SLC25A21: variants seen among roughly 807,000 people sequenced by gnomAD.
The protein encoded by SLC25A21 is mitochondrial 2-oxodicarboxylate carrier.
SLC25A21 carries 47 observed loss-of-function variants against 43.8 expected under a neutral mutation model. The ratio of observed to expected loss-of-function variants is 1.07; its 90% confidence interval spans 0.85 to 1.37. The LOEUF is 1.37. SLC25A21 is among the 40% of genes most tolerant of loss of function. The pLI is 0.00. For missense variants in SLC25A21, 352 were observed against 350.2 expected (o/e 1.00, Z -0.04); for synonymous variants, 131 against 121.3 (o/e 1.08, Z -0.52).
intron 1 of SLC25A21, among the ~76,000 whole-genome samples, chr14:36,925,826 G>A (rs1215504109): frequency 6.6e-6 from 1 of 152,128 alleles, no homozygotes; most frequent in African/African-American, 2.4e-5. Flanking sequence ...CAGCCTGGGT[G>A]ACAGAGCAAG....
At chr14:37,128,538 C>CTCTCTGTGTGTGTGTGTG (rs1555348857) in intron 1 of SLC25A21, among the ~76,000 whole-genome samples, 1 of 122,706 alleles carries the variant, frequency 8.1e-6, no homozygotes, top group African/African-American at 3.2e-5. Flanking sequence ...CTCTCTCTCT[C>CTCTCTGTGTGTGTGTGTG]TGTGTGTGTG....
intron 1 of SLC25A21, among the ~76,000 whole-genome samples, chr14:36,924,838 G>A (rs893923766): frequency 1.3e-5 from 2 of 152,084 alleles, no homozygotes; most frequent in Non-Finnish European, 2.9e-5. Context: ...GATGGTTTGA[G>A]TATAGCAGAG....
intron 3 of SLC25A21, among the ~76,000 whole-genome samples, chr14:36,774,097 T>A (rs1174213509): frequency 6.6e-6 from 1 of 152,236 alleles, no homozygotes; most frequent in Admixed American, 6.5e-5. Context: ...TTTCTTTGTG[T>A]TCCCCCAATA....
At chr14:37,007,954 A>AT (rs10715027) in intron 1 of SLC25A21, among the ~76,000 whole-genome samples, 11 of 149,864 alleles carry the variant, frequency 7.3e-5, no homozygotes, top group Non-Finnish European at 1.5e-4. Flanking sequence ...TGATCGCACA[A>AT]TTTTTTTTTT....
intron 2 of SLC25A21, among the ~76,000 whole-genome samples, chr14:36,856,448 T>C (rs570089739): frequency 6.6e-6 from 1 of 152,220 alleles, no homozygotes; most frequent in Admixed American, 6.5e-5. Flanking sequence ...TAATGGTGAT[T>C]CTGGAGACTG....
At chr14:36,945,367 T>C (rs900595786) in intron 1 of SLC25A21, among the ~76,000 whole-genome samples, 1 of 152,124 alleles carries the variant, frequency 6.6e-6, no homozygotes, top group Non-Finnish European at 1.5e-5. Flanking sequence ...TCTGGGCATA[T>C]ACCCCAAAGA....
intron 1 of SLC25A21, among the ~76,000 whole-genome samples, chr14:37,076,012 C>T (rs1594781660): frequency 6.6e-6 from 1 of 152,336 alleles, no homozygotes; most frequent in East Asian, 1.9e-4. Flanking sequence ...TGGAGCCAAG[C>T]CTATGCTTCC....
intron 1 of SLC25A21, among the ~76,000 whole-genome samples, chr14:37,077,928 A>G (rs780938092): frequency 6.6e-6 from 1 of 152,188 alleles, no homozygotes; most frequent in Non-Finnish European, 1.5e-5. Context: ...ACTTAAATCT[A>G]TAGACATTTT....
chr14:37,079,171 T>C (rs1440401697), intron 1 of SLC25A21, among the ~76,000 whole-genome samples: 1 of 152,200 alleles, frequency 6.6e-6, no homozygotes, highest in Non-Finnish European at 1.5e-5. Flanking sequence ...TTAATTCACA[T>C]CCACGTACAA....
At chr14:36,694,425 C>G (rs1882928803) in intron 7 of SLC25A21, among the ~76,000 whole-genome samples, 1 of 152,156 alleles carries the variant, frequency 6.6e-6, no homozygotes, top group Admixed American at 6.5e-5. Context: ...TAGGTATATA[C>G]CCAGTAACAA....
intron 1 of SLC25A21, among the ~76,000 whole-genome samples, chr14:37,141,722 T>C (rs1396599950): frequency 1.3e-5 from 2 of 152,218 alleles, no homozygotes; most frequent in Non-Finnish European, 2.9e-5. Context: ...TCAAAATACC[T>C]GAAACAAAAT....
intron 2 of SLC25A21, among the ~76,000 whole-genome samples, chr14:36,848,993 G>A (rs950968063): frequency 2.0e-5 from 3 of 152,130 alleles, no homozygotes; most frequent in Non-Finnish European, 2.9e-5. Context: ...AAACTTTCCA[G>A]GATATTCTCT....
chr14:36,785,004 T>A (rs545228333), intron 3 of SLC25A21, among the ~76,000 whole-genome samples: 1 of 152,330 alleles, frequency 6.6e-6, no homozygotes, highest in South Asian at 2.1e-4. Context: ...TGTCCCTGAT[T>A]CCCATATGTA....
rs545599601 is a variant in SLC25A21 at position 36,737,067 on chromosome 14, C to G, written c.204-2494G>C. 3.3e-5 allele frequency among the ~76,000 whole-genome samples: 5 copies of G among 152,264 alleles called. No homozygotes were observed. The East Asian group carries it at 9.7e-4, about 29-fold the overall frequency. On this transcript the variant is annotated intron_variant, in intron 3 of 9. Transcript: ENST00000331299. ...ATGGGAGATACACAGCAAATCCATG[C>G]ATTTGATGGCCCTCAAGGCTGATCT...
At chr14:36,945,935 A>T (rs1460060710) in intron 1 of SLC25A21, among the ~76,000 whole-genome samples, 1 of 151,818 alleles carries the variant, frequency 6.6e-6, no homozygotes, top group Non-Finnish European at 1.5e-5. Flanking sequence ...AAGGTGAAAA[A>T]ATTTCACCAT....
intron 1 of SLC25A21, among the ~76,000 whole-genome samples, chr14:36,971,111 G>A (rs1959739429): frequency 6.6e-6 from 1 of 152,164 alleles, no homozygotes; most frequent in Non-Finnish European, 1.5e-5. Flanking sequence ...AAACTGAAAT[G>A]AACTTTCCGA....
At chr14:37,075,856 C>T (rs1343192996) in intron 1 of SLC25A21, among the ~76,000 whole-genome samples, 3 of 152,150 alleles carry the variant, frequency 2.0e-5, no homozygotes, top group Admixed American at 1.3e-4. Flanking sequence ...TTTAACAGCC[C>T]GTCATTTCCA....
chr14:36,743,959 C>A (rs973329803), intron 3 of SLC25A21, among the ~76,000 whole-genome samples: 1 of 151,950 alleles, frequency 6.6e-6, no homozygotes, highest in Non-Finnish European at 1.5e-5. Context: ...ATATACTTAA[C>A]CAAGGAGGTG....
chr14:36,786,298 G>C (rs891348313), intron 3 of SLC25A21, among the ~76,000 whole-genome samples: 1 of 152,210 alleles, frequency 6.6e-6, no homozygotes, highest in Non-Finnish European at 1.5e-5. Context: ...CATGTTTCAA[G>C]CCTCTATACT....
Sources: allele counts gnomAD v4.1 joint callset (sites outside exome capture counted in the v4.1 genomes callset), GRCh38; gene constraint gnomAD v4.1.1; transcripts MANE v1.5; gene names NCBI Gene and HGNC (gene_info 2026-07-23, HGNC 2026-07-21).